OSBPL5: variants seen among roughly 807,000 people sequenced by gnomAD.
The protein encoded by OSBPL5 is oxysterol binding protein like 5.
OSBPL5 carries 71 observed loss-of-function variants against 111.2 expected under a neutral mutation model. That is an observed-to-expected ratio of 0.64 (90% CI 0.53 to 0.78). The LOEUF (loss-of-function observed/expected upper bound fraction) is 0.78. Among genes scored for constraint, OSBPL5 ranks in the 30% least tolerant of loss-of-function variants. OSBPL5 has a pLI of 0.00. For synonymous variants in OSBPL5, 549 were observed against 513.9 expected (o/e 1.07, Z -0.93); for missense variants, 1,210 against 1,189.3 (o/e 1.02, Z -0.26).
intron 7 of OSBPL5, among the ~76,000 whole-genome samples, chr11:3,112,458 C>T (rs955566018): frequency 7.0e-6 from 1 of 143,226 alleles, no homozygotes; most frequent in Non-Finnish European, 1.5e-5. Flanking sequence ...TATTGTGTAA[C>T]CTGTTTTGTG....
Position 3,126,171 on chromosome 11 carries a change from T to C in OSBPL5, c.219+302A>G, listed in dbSNP as rs1452840530. 3.3e-5 allele frequency among the ~76,000 whole-genome samples: 5 copies of C among 152,190 alleles called. No homozygotes were observed. The highest frequency in any genetic ancestry group is 7.4e-5 in the Non-Finnish European group (5 of 68,024). On this transcript the variant is annotated intron_variant, in intron 3 of 21. Transcript: ENST00000263650. This position sits in a 1 kb window ranked among gnomAD's most constrained non-coding sequence, Gnocchi z 6.5. ...GTTCTATATTATCCTGGAATTACCA[T>C]GTGACCTAGCAATTCCAATTACTCT...
intron 1 of OSBPL5, among the ~76,000 whole-genome samples, chr11:3,160,317 G>C (rs1045397428): frequency 1.3e-5 from 2 of 152,200 alleles, no homozygotes; most frequent in African/African-American, 4.8e-5. Context: ...AGTCCAGCAA[G>C]CAGGACGCCT....
chr11:3,131,583 CCACCCATT>C (rs1319883054), intron 1 of OSBPL5, among the ~76,000 whole-genome samples: 7 of 129,010 alleles, frequency 5.4e-5, no homozygotes, highest in African/African-American at 2.0e-4. Flanking sequence ...ATCCATCCAT[CCACCCATT>C]CATCCATCCA....
chr11:3,104,190 C>T lies in OSBPL5; in HGVS notation c.1244+3G>A, dbSNP rs1590653031. ...GGGGTGCCCCTCCCGGCATGGCGCG[C>T]ACCTGGAGAGCAGGTCTGCGTGGTA... On this transcript the variant is annotated splice_donor_region_variant and intron_variant, in intron 10 of 21. Coordinates refer to ENST00000263650, the MANE Select transcript of OSBPL5 (RefSeq NM_020896.4). This position sits in a 1 kb window ranked among gnomAD's most constrained non-coding sequence, Gnocchi z 5.0. 4 of 1,601,974 alleles carry T rather than the reference C, an allele frequency of 2.5e-6. No homozygotes were observed. The highest frequency in any genetic ancestry group is 1.1e-5 in the South Asian group (1 of 90,680).
intron 3 of OSBPL5, among the ~76,000 whole-genome samples, chr11:3,125,552 TC>T (rs1858580839): frequency 1.3e-5 from 2 of 152,188 alleles, no homozygotes; most frequent in South Asian, 4.1e-4. Flanking sequence ...ACGCCTGTAA[TC>T]CCAGCACTTT....
At chr11:3,151,651 C>T (rs1487240148) in intron 1 of OSBPL5, among the ~76,000 whole-genome samples, 3 of 152,250 alleles carry the variant, frequency 2.0e-5, no homozygotes, top group African/African-American at 7.2e-5. Context: ...TCTTACACCC[C>T]TCTGGGATCC....
chr11:3,097,024 G>A (rs1211538618), intron 14 of OSBPL5, among the ~76,000 whole-genome samples: 15 of 104,216 alleles, frequency 1.4e-4, no homozygotes, highest in African/African-American at 3.9e-4. Context: ...ACGGGAGGGG[G>A]AGGAGAGGAA....
Position 3,104,068 on chromosome 11 carries a change from T to C in OSBPL5, c.1244+125A>G. On this transcript the variant is annotated intron_variant, in intron 10 of 21. Coordinates refer to ENST00000263650, the MANE Select transcript of OSBPL5 (RefSeq NM_020896.4). The surrounding 1 kb of genome is among the most constrained non-coding windows in gnomAD (Gnocchi z 5.0). Reference sequence around the variant, plus strand: ...TGGGAGGCTACAGCTGCAGAAACAGTGGGCTGAGATCAGCCATGGGATTCT... The same window carrying C: ...TGGGAGGCTACAGCTGCAGAAACAGCGGGCTGAGATCAGCCATGGGATTCT... 1 of 1,177,742 alleles carries C rather than the reference T, an allele frequency of 8.5e-7. No individual in the cohort carries two copies. Among genetic ancestry groups the C allele is most frequent in the East Asian group, 2.5e-5 (1 of 40,716 alleles). 73.0% of individuals were successfully genotyped at this position (1,177,742 alleles called of 1,614,324 possible). A position where few individuals can be genotyped will look rare whatever the true frequency, so the allele number is the denominator to read the frequency against.
Position 3,119,693 on chromosome 11 carries a change from G to T in OSBPL5, c.607-62C>A, listed in dbSNP as rs142409318. On this transcript the variant is annotated intron_variant, in intron 6 of 21. Transcript: ENST00000263650. ...CACCCAGGGCCAGCTGCACAGATAG[G>T]TCAGGCAGAACCATGCGGATCCACA... The T allele has an allele frequency of 5.9e-4, 881 of 1,502,052 alleles. 11 individuals carry two copies. The African/African-American group carries it at 0.011, about 20-fold the overall frequency. 93.0% of individuals were successfully genotyped at this position (1,502,052 alleles called of 1,614,324 possible).
Position 3,088,310 on chromosome 11 carries a change from C to T in OSBPL5, c.2535G>A (p.Arg845=), listed in dbSNP as rs780960923. 10 of 1,600,646 alleles carry T rather than the reference C, an allele frequency of 6.2e-6. No homozygotes were observed. Among genetic ancestry groups the T allele is most frequent in the Non-Finnish European group, 8.5e-6 (10 of 1,174,668 alleles). ...GGCCTGGGGTCGGTGCCTGTGCTGCCCGTGCCGTGGAGCTCAGCATGGCCG... is the reference window on the plus strand; with the variant it reads ...GGCCTGGGGTCGGTGCCTGTGCTGCTCGTGCCGTGGAGCTCAGCATGGCCG... ...HLSAMLSSTA[R]AAQAPTPGLL... is the part of the protein sequence containing the mutation. Residue 845 remains arginine, a synonymous_variant, in exon 22 of 22, where the codon CGG becomes CGA. Coordinates refer to ENST00000263650, the MANE Select transcript of OSBPL5 (RefSeq NM_020896.4).
rs1256946243 is a variant in OSBPL5 at position 3,140,752 on chromosome 11, C to A, written c.-21-11583G>T. Among the ~76,000 whole-genome samples, 1 of 152,190 alleles carries A rather than the reference C, an allele frequency of 6.6e-6. No homozygotes were observed. The highest frequency in any genetic ancestry group is 1.5e-5 in the Non-Finnish European group (1 of 68,034). ...TGCTGCCCACACGTCCCATCCTAGT[C>A]CTCCTTGGGGTATGTGGGTACCTGG... On this transcript the variant is annotated intron_variant, in intron 1 of 21. Transcript: ENST00000263650. The surrounding 1 kb of genome is among the most constrained non-coding windows in gnomAD (Gnocchi z 4.5).
intron 1 of OSBPL5, among the ~76,000 whole-genome samples, chr11:3,145,981 A>T (rs1486122436): frequency 6.6e-6 from 1 of 151,844 alleles, no homozygotes; most frequent in Non-Finnish European, 1.5e-5. Flanking sequence ...TCTGAACACC[A>T]CCCTCAGCTG....
At chr11:3,103,749 TC>T (rs1554896269) in intron 10 of OSBPL5, among the ~76,000 whole-genome samples, 2 of 45,548 alleles carry the variant, frequency 4.4e-5, no homozygotes, top group African/African-American at 1.1e-4. Flanking sequence ...TCTGCAACCC[TC>T]TTCCAGCTCT....
intron 11 of OSBPL5, 97 bp downstream of exon 11, chr11:3,103,142 G>A: frequency 9.5e-7 from 1 of 1,057,928 alleles, no homozygotes; most frequent in Non-Finnish European, 1.4e-6. Flanking sequence ...GTGGGGTAGG[G>A]GGTGGCCCGG....
Position 3,090,643 on chromosome 11 carries a change from G to A in OSBPL5, c.2313C>T (p.His771=). ...LRKASDQPSG[H]SQATESSGST... Reference sequence around the variant, plus strand: ...ATCCGCTGCTCTCCGTGGCCTGGCTGTGGCCGGAGGGCTGGTCGCTGGCCT... The same window carrying A: ...ATCCGCTGCTCTCCGTGGCCTGGCTATGGCCGGAGGGCTGGTCGCTGGCCT... The change falls in exon 20 of 22, where the codon CAC becomes CAT. Residue 771 remains histidine, a synonymous_variant. Coordinates refer to ENST00000263650, the MANE Select transcript of OSBPL5 (RefSeq NM_020896.4). 1 of 1,612,744 alleles carries A rather than the reference G, an allele frequency of 6.2e-7. No homozygotes were observed. The highest frequency in any genetic ancestry group is 8.5e-7 in the Non-Finnish European group (1 of 1,179,924).
chr11:3,146,954 CGG>C lies in OSBPL5; in HGVS notation c.-21-17787_-21-17786del, dbSNP rs753242311. On this transcript the variant is annotated intron_variant, in intron 1 of 21. Coordinates refer to ENST00000263650, the MANE Select transcript of OSBPL5 (RefSeq NM_020896.4). This position sits in a 1 kb window ranked among gnomAD's most constrained non-coding sequence, Gnocchi z 7.8. The stretch of plus-strand genomic sequence containing the variant: ...TTTAGAGGTGGCTCAGCTGAGGGCA[CGG>C]GGGCCTTGGCAGCTGTCACGACCCT... 1.7e-3 allele frequency among the ~76,000 whole-genome samples: 260 copies of C among 152,258 alleles called. 2 individuals are homozygous for C. The highest frequency in any genetic ancestry group is 2.4e-3 in the Non-Finnish European group (166 of 67,992).
rs775787988 is a variant in OSBPL5, at chr11:3,089,941, C to G, written c.2406G>C (p.Glu802Asp). The G allele has an allele frequency of 3.4e-5, 53 of 1,550,336 alleles. No individual in the cohort carries two copies. The Admixed American group carries it at 9.4e-4, about 27-fold the overall frequency. Residue 802 changes from glutamate to aspartate, a missense_variant, in exon 21 of 22, where the codon GAG becomes GAC. Physicochemically the swap from Glu to Asp is conservative, Grantham distance 45 (BLOSUM62 2). Transcript: ENST00000263650. ...EQDGDFVPGGESPCPRCRKEA... is the reference protein window; with the variant it reads ...EQDGDFVPGGDSPCPRCRKEA... Reference sequence around the variant, plus strand: ...CCTTCCTGCACCGAGGGCATGGGCTCTCACCGCCTGGGACGGCCCCGAGTG... The same window carrying G: ...CCTTCCTGCACCGAGGGCATGGGCTGTCACCGCCTGGGACGGCCCCGAGTG...
At chr11:3,139,566 C>T (rs1053250147) in intron 1 of OSBPL5, among the ~76,000 whole-genome samples, 1 of 152,202 alleles carries the variant, frequency 6.6e-6, no homozygotes, top group Non-Finnish European at 1.5e-5. Context: ...AGGCACCCAG[C>T]CCTGCCCGCA....
intron 1 of OSBPL5, among the ~76,000 whole-genome samples, chr11:3,139,586 G>C (rs1846046644): frequency 6.6e-6 from 1 of 152,190 alleles, no homozygotes; most frequent in Non-Finnish European, 1.5e-5. Context: ...AGGAGTTTGG[G>C]GGCAGGATGG....
Sources: allele counts gnomAD v4.1 joint callset (sites outside exome capture counted in the v4.1 genomes callset), GRCh38; gene constraint gnomAD v4.1.1; non-coding constraint Gnocchi (gnomAD v3.1); transcripts MANE v1.5; gene names NCBI Gene and HGNC (gene_info 2026-07-23, HGNC 2026-07-21).